Variants in NEGR1 observed in about 807,000 individuals in gnomAD.
NEGR1 encodes the protein neuronal growth regulator 1.
In NEGR1, 10 loss-of-function variants were observed where a neutral mutation model predicts 40.9. That is an observed-to-expected ratio of 0.24 (90% CI 0.15 to 0.42). The LOEUF is 0.42. Among genes scored for constraint, NEGR1 ranks in the 10% least tolerant of loss-of-function variants. NEGR1 has a pLI of 1.00. For synonymous variants in NEGR1, 185 were observed against 166.8 expected (o/e 1.11, Z -0.84); for missense variants, 352 against 438.9 (o/e 0.80, Z 1.77).
intron 1 of NEGR1, among the ~76,000 whole-genome samples, chr1:72,092,398 G>A: frequency 6.6e-6 from 1 of 152,252 alleles, no homozygotes; most frequent in East Asian, 1.9e-4. Context: ...AGGAGGTGGA[G>A]AGGCATTTGG....
At chr1:72,015,145 A>T (rs1014051949) in intron 1 of NEGR1, among the ~76,000 whole-genome samples, 1 of 152,096 alleles carries the variant, frequency 6.6e-6, no homozygotes, top group Non-Finnish European at 1.5e-5. Context: ...TACAATTTTT[A>T]AAAATATGTA....
chr1:72,266,724 AACACAC>A (rs3082237), intron 1 of NEGR1, among the ~76,000 whole-genome samples: 1,796 of 133,772 alleles, frequency 0.013, 35 homozygotes, highest in African/African-American at 0.043. Context: ...TAGACAGATA[AACACAC>A]ACACACACAC....
chr1:71,434,970 A>G (rs1454453399), intron 6 of NEGR1, among the ~76,000 whole-genome samples: 2 of 151,984 alleles, frequency 1.3e-5, no homozygotes, highest in African/African-American at 2.4e-5. Flanking sequence ...GGGCGCCTGT[A>G]GTCCCAGCTA....
At chr1:71,574,598 G>A (rs1258809896) in intron 6 of NEGR1, among the ~76,000 whole-genome samples, 1 of 152,128 alleles carries the variant, frequency 6.6e-6, no homozygotes, top group Non-Finnish European at 1.5e-5. Flanking sequence ...TGAAGTAGGT[G>A]ATGGGAGTTT....
At chr1:72,244,502 C>T (rs530095008) in intron 1 of NEGR1, among the ~76,000 whole-genome samples, 2 of 151,862 alleles carry the variant, frequency 1.3e-5, no homozygotes, top group African/African-American at 4.8e-5. Context: ...TGTAAACACA[C>T]ACATATATAC....
At chr1:71,780,063 A>G (rs1218529758) in intron 2 of NEGR1, among the ~76,000 whole-genome samples, 3 of 148,270 alleles carry the variant, frequency 2.0e-5, no homozygotes, top group East Asian at 2.0e-4. Context: ...AAAAAAAAAA[A>G]AAAAAAAAGA....
intron 6 of NEGR1, among the ~76,000 whole-genome samples, chr1:71,446,956 T>A (rs1165625834): frequency 3.3e-5 from 5 of 152,228 alleles, no homozygotes; most frequent in Non-Finnish European, 7.3e-5. Context: ...AATTCATTCA[T>A]GATGTTGTCT....
intron 1 of NEGR1, among the ~76,000 whole-genome samples, chr1:72,237,379 A>G (rs779797294): frequency 3.9e-5 from 6 of 151,920 alleles, no homozygotes; most frequent in Non-Finnish European, 5.9e-5. Flanking sequence ...AGCTTATAAA[A>G]ACACTTATTT....
At chr1:71,636,712 G>T (rs1233550300) in intron 4 of NEGR1, among the ~76,000 whole-genome samples, 2 of 152,000 alleles carry the variant, frequency 1.3e-5, no homozygotes, top group Non-Finnish European at 2.9e-5. Flanking sequence ...CTGTCATATT[G>T]TTTGCCATTT....
intron 6 of NEGR1, among the ~76,000 whole-genome samples, chr1:71,542,935 G>A (rs1039512770): frequency 6.6e-6 from 1 of 151,642 alleles, no homozygotes; most frequent in African/African-American, 2.4e-5. Context: ...ACAACTGTGT[G>A]TACGTATATA....
chr1:71,856,516 A>T (rs1221738715), intron 2 of NEGR1, among the ~76,000 whole-genome samples: 2 of 152,098 alleles, frequency 1.3e-5, no homozygotes, highest in Non-Finnish European at 2.9e-5. Flanking sequence ...AAGGAATCAC[A>T]GTCTAATATA....
chr1:71,559,936 T>A (rs357209), intron 6 of NEGR1, among the ~76,000 whole-genome samples: 92,922 of 151,126 alleles, frequency 0.61, 28,936 homozygotes, highest in Middle Eastern at 0.65. Context: ...TCAACCTTAC[T>A]TTCTCCTAGT....
chr1:71,566,631 T>C (rs1465150699), intron 6 of NEGR1, among the ~76,000 whole-genome samples: 3 of 152,122 alleles, frequency 2.0e-5, no homozygotes, highest in Admixed American at 2.0e-4. Context: ...AATTTTCCTG[T>C]AAAGGGCCAG....
intron 1 of NEGR1, among the ~76,000 whole-genome samples, chr1:72,250,344 T>A (rs1462885815): frequency 6.6e-6 from 1 of 152,084 alleles, no homozygotes; most frequent in East Asian, 1.9e-4. Flanking sequence ...TACCCTTACC[T>A]TTCTAGCATT....
intron 1 of NEGR1, among the ~76,000 whole-genome samples, chr1:72,172,459 T>C (rs1405188133): frequency 6.6e-6 from 1 of 152,160 alleles, no homozygotes; most frequent in African/African-American, 2.4e-5. Context: ...CATGATTGTC[T>C]TCTCCATAAA....
chr1:71,884,249 G>A (rs912387678), intron 2 of NEGR1, among the ~76,000 whole-genome samples: 23 of 151,926 alleles, frequency 1.5e-4, no homozygotes, highest in African/African-American at 5.3e-4. Flanking sequence ...TATTTCAAGA[G>A]TGATATTTTG....
intron 4 of NEGR1, among the ~76,000 whole-genome samples, chr1:71,644,598 T>C (rs1651470666): frequency 6.6e-6 from 1 of 151,984 alleles, no homozygotes; most frequent in South Asian, 2.1e-4. Flanking sequence ...CAATACATAG[T>C]TGTTGAATAA....
intron 4 of NEGR1, among the ~76,000 whole-genome samples, chr1:71,689,749 AAG>A (rs1557614458): frequency 6.6e-6 from 1 of 151,708 alleles, no homozygotes. Flanking sequence ...AATAAGAGGA[AAG>A]AGAGGAGAGG....
intron 1 of NEGR1, among the ~76,000 whole-genome samples, chr1:72,067,949 A>T (rs924992811): frequency 2.7e-4 from 41 of 152,190 alleles, no homozygotes; most frequent in African/African-American, 9.9e-4. Context: ...TTTGGTATTC[A>T]GTTGTGAAAT....
Sources: allele counts gnomAD v4.1 joint callset (sites outside exome capture counted in the v4.1 genomes callset), GRCh38; gene constraint gnomAD v4.1.1; transcripts MANE v1.5; gene names NCBI Gene and HGNC (gene_info 2026-07-23, HGNC 2026-07-21).